Variants in CHD9 observed in about 807,000 individuals in gnomAD.
CHD9 encodes ATP-dependent chromatin remodeler CHD9.
CHD9 carries 77 observed loss-of-function variants against 316.1 expected under a neutral mutation model. The observed-to-expected ratio is 0.24, with a 90% CI of 0.20 to 0.29. The LOEUF (loss-of-function observed/expected upper bound fraction) is 0.29, where lower values mean the gene tolerates loss of function less well. Among genes scored for constraint, CHD9 ranks in the 10% least tolerant of loss-of-function variants. CHD9 has a pLI of 1.00. For missense variants in CHD9, 2,763 were observed against 3,438.1 expected, an observed-to-expected ratio of 0.80 and a Z score of 4.91; for synonymous variants, 1,129 against 1,158.3, an observed-to-expected ratio of 0.97 and a Z score of 0.51.
At chr16:53,091,049 C>G (rs570578332) in intron 1 of CHD9, among the ~76,000 whole-genome samples, 4 of 152,196 alleles carry the variant, frequency 2.6e-5, no homozygotes, top group Non-Finnish European at 5.9e-5. Flanking sequence ...TCCTCTCCCC[C>G]GCCCTTGGGC....
At chr16:53,165,373 G>A (rs374938014) in intron 2 of CHD9, among the ~76,000 whole-genome samples, 2 of 152,266 alleles carry the variant, frequency 1.3e-5, no homozygotes, top group East Asian at 3.9e-4. Context: ...AATTATGTCA[G>A]GAAATTATTT....
intron 1 of CHD9, among the ~76,000 whole-genome samples, chr16:53,090,896 T>G (rs1002829696): frequency 2.6e-5 from 4 of 151,222 alleles, no homozygotes; most frequent in Admixed American, 6.6e-5. Flanking sequence ...CTTTGTTGAG[T>G]AATTTGGTGA....
intron 2 of CHD9, among the ~76,000 whole-genome samples, chr16:53,189,100 T>C (rs2044280019): frequency 6.6e-6 from 1 of 152,120 alleles, no homozygotes; most frequent in Non-Finnish European, 1.5e-5. Context: ...CTTCCAAATA[T>C]AAAGATTAAA....
chr16:53,259,840 G>A (rs1042588315), intron 19 of CHD9, among the ~76,000 whole-genome samples: 2 of 152,036 alleles, frequency 1.3e-5, no homozygotes, highest in African/African-American at 4.8e-5. Context: ...ATGTTCTCCA[G>A]TTCACGTAAG....
intron 1 of CHD9, chr16:53,099,154 A>C (rs1259918962): frequency 7.2e-5 from 11 of 152,440 alleles, no homozygotes; most frequent in Admixed American, 7.2e-4. Flanking sequence ...AGGAACCTGC[A>C]GCTGGAGCCA....
At chr16:53,255,898 G>A in intron 19 of CHD9, 119 bp downstream of exon 19, 1 of 888,190 alleles carries the variant, frequency 1.1e-6, no homozygotes, top group South Asian at 2.0e-5. Context: ...AGATGCAGTA[G>A]GTAATGTATT....
intron 1 of CHD9, among the ~76,000 whole-genome samples, chr16:53,065,790 G>A (rs572786594): frequency 1.3e-5 from 2 of 152,064 alleles, no homozygotes; most frequent in Non-Finnish European, 2.9e-5. Context: ...CTTTGGTACT[G>A]CCTTTTTGGA....
At chr16:53,278,547 A>G (rs1455036348) in intron 24 of CHD9, among the ~76,000 whole-genome samples, 1 of 152,244 alleles carries the variant, frequency 6.6e-6, no homozygotes, top group Non-Finnish European at 1.5e-5. Flanking sequence ...ATAATTGGCA[A>G]GCCACATGTA....
chr16:53,222,410 GTACTTCTGAGTACATTAATTA>G (rs796820387), intron 3 of CHD9, among the ~76,000 whole-genome samples: 39 of 152,240 alleles, frequency 2.6e-4, no homozygotes, highest in African/African-American at 8.7e-4. Flanking sequence ...TACATTAATT[GTACTTCTGAGTACATTAATTA>G]TACTTCCAAA....
intron 1 of CHD9, among the ~76,000 whole-genome samples, chr16:53,094,641 C>CTTTTTTT (rs902726569): frequency 1.5e-5 from 2 of 136,800 alleles, no homozygotes; most frequent in Non-Finnish European, 3.1e-5. Flanking sequence ...TTTACTTTTT[C>CTTTTTTT]TTTTTTTTTT....
At position 53,212,378 on chromosome 16, in the gene CHD9, C is replaced by T. The variant is rs571141911; in HGVS notation, c.1784+2565C>T. ...CGAGATTGCACCACTGCACTCCAGC[C>T]TGGCTGACAGAGCGAGATTCCATCT... On this transcript the variant is annotated intron_variant, in intron 3 of 38. Coordinates refer to ENST00000447540, the MANE Select transcript of CHD9 (RefSeq NM_001308319.2). 2.0e-5 allele frequency among the ~76,000 whole-genome samples: 3 copies of T among 151,058 alleles called. No individual in the cohort carries two copies. The South Asian group carries it at 6.3e-4, about 31-fold the overall frequency.
chr16:53,130,681 G>C (rs2039197038), intron 1 of CHD9, among the ~76,000 whole-genome samples: 1 of 151,736 alleles, frequency 6.6e-6, no homozygotes, highest in Non-Finnish European at 1.5e-5. Flanking sequence ...GCGGCGCGGC[G>C]GGGCCATGTT....
intron 26 of CHD9, 65 bp from the exon 27 acceptor site, chr16:53,287,890 CTT>C: frequency 7.8e-7 from 1 of 1,290,308 alleles, no homozygotes; most frequent in Non-Finnish European, 1.1e-6. Context: ...TCCAACAAGA[CTT>C]TGTCCTATCA....
intron 12 of CHD9, 103 bp from the exon 13 acceptor site, chr16:53,242,737 A>T: frequency 9.7e-7 from 1 of 1,027,560 alleles, no homozygotes; most frequent in African/African-American, 1.6e-5. Context: ...TAAAAATTTC[A>T]TTAGAAATGT....
chr16:53,071,510 A>G (rs989961183), intron 1 of CHD9, among the ~76,000 whole-genome samples: 4 of 152,182 alleles, frequency 2.6e-5, no homozygotes, highest in African/African-American at 9.7e-5. Context: ...GAATAGTAAA[A>G]TATTCCCTCA....
At chr16:53,127,572 A>G (rs1046799958) in intron 1 of CHD9, among the ~76,000 whole-genome samples, 38 of 152,060 alleles carry the variant, frequency 2.5e-4, no homozygotes, top group Non-Finnish European at 8.8e-5. Context: ...CTGCCACTCA[A>G]TGACTGTGTA....
intron 1 of CHD9, among the ~76,000 whole-genome samples, chr16:53,086,085 G>GAAAGA (rs1168288998): frequency 6.6e-6 from 1 of 152,106 alleles, no homozygotes; most frequent in Non-Finnish European, 1.5e-5. Flanking sequence ...TGTTTGAGAG[G>GAAAGA]AAAGAAAAGA....
Position 53,245,687 on chromosome 16 carries a change from C to G in CHD9, c.3291C>G (p.Ile1097Met). The change falls in exon 15 of 39, where the codon ATC (isoleucine) becomes ATG (methionine). Residue 1097 changes from isoleucine to methionine, a missense_variant. Around this residue, in one of 15 missense-constraint regions of CHD9, gnomAD observed 155 missense variants for 291.8 expected, o/e 0.53. Coordinates refer to ENST00000447540, the MANE Select transcript of CHD9 (RefSeq NM_001308319.2). This position sits in a 1 kb window ranked among gnomAD's most constrained non-coding sequence, Gnocchi z 4.1. Reference sequence around the variant, plus strand: ...AGTTGGCACCTAAAGAAGAAACCATCATTGAAGTAGAACTTACTAATATTC... The same window carrying G: ...AGTTGGCACCTAAAGAAGAAACCATGATTGAAGTAGAACTTACTAATATTC... ...EKKLAPKEET[I>M]IEVELTNIQK... 1 of 1,608,988 alleles carries G rather than the reference C, an allele frequency of 6.2e-7. No homozygotes were observed. Among genetic ancestry groups the G allele is most frequent in the Non-Finnish European group, 8.5e-7 (1 of 1,178,218 alleles).
At chr16:53,137,043 G>A (rs991412600) in intron 1 of CHD9, among the ~76,000 whole-genome samples, 6 of 151,316 alleles carry the variant, frequency 4.0e-5, no homozygotes, top group African/African-American at 7.3e-5. Flanking sequence ...GTGCAATCTC[G>A]GCTCACTGCA....
Sources: allele counts gnomAD v4.1 joint callset (sites outside exome capture counted in the v4.1 genomes callset), GRCh38; gene constraint gnomAD v4.1.1; regional missense constraint gnomAD v4.1.1; non-coding constraint Gnocchi (gnomAD v3.1); transcripts MANE v1.5; gene names NCBI Gene and HGNC (gene_info 2026-07-23, HGNC 2026-07-21).